NKAIN3: variants seen among roughly 807,000 people sequenced by gnomAD.
NKAIN3 encodes sodium/potassium transporting ATPase interacting 3.
Under a neutral mutation model 30.2 loss-of-function variants are expected in NKAIN3, and 25 were observed. That is an observed-to-expected ratio of 0.83 (90% confidence interval 0.60 to 1.16). The LOEUF is 1.16. NKAIN3 is among the 50% of genes most tolerant of loss of function. The pLI is 0.00. For missense variants in NKAIN3, 225 were observed against 254.1 expected (o/e 0.89, Z 0.78); for synonymous variants, 91 against 89.6 (o/e 1.02, Z -0.09).
intron 3 of NKAIN3, among the ~76,000 whole-genome samples, chr8:62,688,414 G>A (rs998966143): frequency 6.6e-6 from 1 of 152,138 alleles, no homozygotes; most frequent in Admixed American, 6.5e-5. Context: ...GTTTGTTGTA[G>A]TAGATGTTTG....
chr8:62,622,719 A>G (rs1172830675), intron 3 of NKAIN3, among the ~76,000 whole-genome samples: 13 of 151,920 alleles, frequency 8.6e-5, no homozygotes, highest in Admixed American at 8.5e-4. Flanking sequence ...CCCAGTGTGT[A>G]GCTTGTTTTT....
At chr8:62,269,626 G>A (rs530047187) in intron 1 of NKAIN3, among the ~76,000 whole-genome samples, 1 of 152,194 alleles carries the variant, frequency 6.6e-6, no homozygotes, top group East Asian at 1.9e-4. Flanking sequence ...GTTCAAATAC[G>A]TAGATTTTAT....
At chr8:62,604,167 T>C (rs190931076) in intron 3 of NKAIN3, among the ~76,000 whole-genome samples, 2 of 152,124 alleles carry the variant, frequency 1.3e-5, no homozygotes, top group African/African-American at 4.8e-5. Context: ...AGAGTGAAGA[T>C]TGTCCAGAAG....
At chr8:62,939,782 A>G (rs1393173478) in intron 5 of NKAIN3, among the ~76,000 whole-genome samples, 1 of 152,162 alleles carries the variant, frequency 6.6e-6, no homozygotes, top group Non-Finnish European at 1.5e-5. Flanking sequence ...AAACCTCAAA[A>G]TACATCAAAA....
intron 1 of NKAIN3, among the ~76,000 whole-genome samples, chr8:62,372,721 A>C (rs1280315391): frequency 6.6e-6 from 1 of 152,070 alleles, no homozygotes; most frequent in Admixed American, 6.5e-5. Flanking sequence ...TTATGAAGAC[A>C]GCAAGCAATT....
chr8:62,886,154 T>A (rs1483014144), intron 4 of NKAIN3, among the ~76,000 whole-genome samples: 1 of 152,144 alleles, frequency 6.6e-6, no homozygotes, highest in Non-Finnish European at 1.5e-5. Context: ...AATTATACTT[T>A]CTTTAACTTT....
intron 4 of NKAIN3, among the ~76,000 whole-genome samples, chr8:62,884,796 G>C (rs1329304745): frequency 6.6e-6 from 1 of 152,002 alleles, no homozygotes; most frequent in Non-Finnish European, 1.5e-5. Context: ...TTGTCTTTTT[G>C]ATGCCTATGG....
intron 3 of NKAIN3, among the ~76,000 whole-genome samples, chr8:62,623,637 T>C (rs1274831682): frequency 2.0e-5 from 3 of 152,128 alleles, no homozygotes; most frequent in Non-Finnish European, 2.9e-5. Flanking sequence ...TTTCCTTCTT[T>C]CTAAAGAACT....
intron 1 of NKAIN3, among the ~76,000 whole-genome samples, chr8:62,290,666 A>G (rs1029801155): frequency 2.0e-5 from 3 of 152,146 alleles, no homozygotes; most frequent in African/African-American, 4.8e-5. Flanking sequence ...GGATTTTTGC[A>G]TCAATGTTCA....
At position 62,290,002 on chromosome 8, in the gene NKAIN3, T is replaced by C. The variant is rs551634740; in HGVS notation, c.54+40875T>C. Among the ~76,000 whole-genome samples, 7 of 152,130 alleles carry C rather than the reference T, an allele frequency of 4.6e-5. No individual in the cohort carries two copies. The East Asian group carries it at 5.8e-4, about 13-fold the overall frequency. On this transcript the variant is annotated intron_variant, in intron 1 of 6. Transcript: ENST00000623646. ...CCTAGGTATTTTATTCTCTTTGAAG[T>C]GATTGTGAATGGGAGTTCACTCATG...
chr8:62,621,948 T>C (rs1367293698), intron 3 of NKAIN3, among the ~76,000 whole-genome samples: 19 of 152,068 alleles, frequency 1.2e-4, no homozygotes, highest in Admixed American at 1.2e-3. Context: ...TAACCACACA[T>C]AATTTCTTGC....
At chr8:62,515,456 A>G (rs530864009) in intron 1 of NKAIN3, among the ~76,000 whole-genome samples, 5 of 152,068 alleles carry the variant, frequency 3.3e-5, no homozygotes, top group Non-Finnish European at 5.9e-5. Flanking sequence ...GAGTATCATT[A>G]TGCACACCCT....
intron 4 of NKAIN3, among the ~76,000 whole-genome samples, chr8:62,877,993 T>C (rs1441532335): frequency 6.9e-6 from 1 of 144,968 alleles, no homozygotes; most frequent in Non-Finnish European, 1.5e-5. Context: ...TGAGTGGAGA[T>C]TATGCCATTG....
At chr8:62,838,120 A>G (rs1819423819) in intron 4 of NKAIN3, among the ~76,000 whole-genome samples, 1 of 125,840 alleles carries the variant, frequency 7.9e-6, no homozygotes, top group African/African-American at 3.0e-5. Flanking sequence ...CACTCTGAAC[A>G]ATACCGCTCT....
intron 4 of NKAIN3, among the ~76,000 whole-genome samples, chr8:62,823,145 G>A (rs77207076): frequency 0.013 from 1,918 of 152,192 alleles, 41 homozygotes; most frequent in African/African-American, 0.044. Context: ...ATATACTACT[G>A]AAGACTTTAT....
intron 4 of NKAIN3, among the ~76,000 whole-genome samples, chr8:62,879,316 A>C (rs1457196912): frequency 1.3e-5 from 2 of 152,148 alleles, no homozygotes; most frequent in East Asian, 3.9e-4. Context: ...TCTTCTTTTG[A>C]GAAGTGTCTG....
At chr8:62,675,686 A>G (rs1306911507) in intron 3 of NKAIN3, among the ~76,000 whole-genome samples, 2 of 152,126 alleles carry the variant, frequency 1.3e-5, no homozygotes, top group African/African-American at 4.8e-5. Context: ...GCTGCAAGGT[A>G]CACTTTCAGG....
chr8:62,570,230 G>A (rs570832665), intron 1 of NKAIN3, among the ~76,000 whole-genome samples: 1 of 152,182 alleles, frequency 6.6e-6, no homozygotes, highest in South Asian at 2.1e-4. Flanking sequence ...GACCAGTTTG[G>A]TCAGATACCA....
chr8:62,466,827 A>G (rs1336414978), intron 1 of NKAIN3, among the ~76,000 whole-genome samples: 1 of 152,148 alleles, frequency 6.6e-6, no homozygotes, highest in Non-Finnish European at 1.5e-5. Context: ...CTTTTATGTT[A>G]TTAGCAATCA....
Sources: allele counts gnomAD v4.1 joint callset (sites outside exome capture counted in the v4.1 genomes callset), GRCh38; gene constraint gnomAD v4.1.1; transcripts MANE v1.5; gene names NCBI Gene and HGNC (gene_info 2026-07-23, HGNC 2026-07-21).